COL23A1: variants seen among roughly 807,000 people sequenced by gnomAD.
COL23A1 encodes the protein collagen type XXIII alpha 1 chain, also known as collagen alpha-1(XXIII) chain.
Under a neutral mutation model 99.3 loss-of-function variants are expected in COL23A1, and 97 were observed. The ratio of observed to expected loss-of-function variants is 0.98; its 90% confidence interval spans 0.83 to 1.16. The LOEUF (loss-of-function observed/expected upper bound fraction) is 1.16. Among genes scored for constraint, COL23A1 ranks in the 50% most tolerant of loss-of-function variants. The pLI, the probability that COL23A1 is intolerant of heterozygous loss-of-function variation, is 0.00. For missense variants in COL23A1, 762 were observed against 757.4 expected, an observed-to-expected ratio of 1.01 and a Z score of -0.07; for synonymous variants, 320 against 308.2, an observed-to-expected ratio of 1.04 and a Z score of -0.40.
In COL23A1 at chr5:178,558,794, C is replaced by CT. The variant is rs113249914; in HGVS notation, c.361+1887dup. Among the ~76,000 whole-genome samples, 151 of 144,668 alleles carry CT rather than the reference C, an allele frequency of 1.0e-3. 1 individual carries two copies. The highest frequency in any genetic ancestry group is 1.8e-3 in the South Asian group (8 of 4,552). The allele number at this position is 144,668 out of a possible 152,430, so 94.9% of individuals were successfully genotyped here. A position where few individuals can be genotyped will look rare whatever the true frequency, so the allele number is the denominator to read the frequency against. ...CCTCCCATGTAATTGCAATTTCTGA[C>CT]TTTTTTTTTTTTTTGATGGAGTCTC... On this transcript the variant is annotated intron_variant, in intron 2 of 28. Transcript: ENST00000390654.
At chr5:178,373,371 C>T (rs750342423) in intron 2 of COL23A1, among the ~76,000 whole-genome samples, 23 of 152,176 alleles carry the variant, frequency 1.5e-4, no homozygotes, top group Non-Finnish European at 2.8e-4. Flanking sequence ...CAGTGCAGCC[C>T]AGGCGCGAAC....
intron 2 of COL23A1, among the ~76,000 whole-genome samples, chr5:178,514,669 C>T (rs1046948313): frequency 3.9e-5 from 6 of 152,132 alleles, no homozygotes; most frequent in African/African-American, 7.2e-5. Context: ...CCTGCTGCCC[C>T]GACAATGCAC....
Position 178,255,160 on chromosome 5 carries a change from C to T in COL23A1, c.883-134G>A, listed in dbSNP as rs902547083. 47 of 728,198 alleles carry T rather than the reference C, an allele frequency of 6.5e-5. No individual in the cohort carries two copies. In the Admixed American group the frequency reaches 9.7e-4, roughly 15 times the overall value. 45.1% of individuals were successfully genotyped at this position (728,198 alleles called of 1,614,324 possible). On this transcript the variant is annotated intron_variant, in intron 15 of 28. Coordinates refer to ENST00000390654, the MANE Select transcript of COL23A1 (RefSeq NM_173465.4). The surrounding 1 kb of genome is among the most constrained non-coding windows in gnomAD (Gnocchi z 4.2). ...CGTCACCCAGGCTGCACGCATGCCC[C>T]TCCCCAGGGTGGATGGAGGGAACGG...
chr5:178,246,493 TAGAC>T (rs1447164789), intron 22 of COL23A1, 40 bp from the exon 23 acceptor site: 1 of 1,545,740 alleles, frequency 6.5e-7, no homozygotes, highest in Admixed American at 2.0e-5. Context: ...GGGAAGGGGT[TAGAC>T]AGACAGTAGG....
At chr5:178,385,144 G>C (rs1020611092) in intron 2 of COL23A1, among the ~76,000 whole-genome samples, 2 of 152,168 alleles carry the variant, frequency 1.3e-5, no homozygotes, top group African/African-American at 2.4e-5. Flanking sequence ...TGTGGGACTT[G>C]CTGTCTCCTG....
intron 2 of COL23A1, among the ~76,000 whole-genome samples, chr5:178,501,342 G>A (rs1002945578): frequency 1.3e-5 from 2 of 152,168 alleles, no homozygotes; most frequent in Admixed American, 6.5e-5. Context: ...CAGCACTTTG[G>A]GAGGCCTGGG....
At chr5:178,264,784 G>A (rs1755780710) in intron 8 of COL23A1, among the ~76,000 whole-genome samples, 1 of 152,176 alleles carries the variant, frequency 6.6e-6, no homozygotes, top group Non-Finnish European at 1.5e-5. Context: ...AGCCTCCCGA[G>A]TAGGTGGGAT....
At chr5:178,527,702 T>G (rs1388673605) in intron 2 of COL23A1, among the ~76,000 whole-genome samples, 1 of 152,078 alleles carries the variant, frequency 6.6e-6, no homozygotes, top group Non-Finnish European at 1.5e-5. Context: ...CTGTGTGTGC[T>G]CCCGGGGACC....
intron 2 of COL23A1, among the ~76,000 whole-genome samples, chr5:178,380,753 G>A (rs1246426793): frequency 2.0e-5 from 3 of 152,280 alleles, no homozygotes; most frequent in African/African-American, 4.8e-5. Context: ...GGGACCAGCC[G>A]CAGTGAGAGG....
intron 2 of COL23A1, among the ~76,000 whole-genome samples, chr5:178,383,265 T>C (rs1763480422): frequency 1.3e-5 from 2 of 152,196 alleles, no homozygotes; most frequent in African/African-American, 4.8e-5. Flanking sequence ...CTAGGCCACA[T>C]GCTCAGCTCC....
chr5:178,262,821 A>C (rs1765707803), intron 9 of COL23A1, among the ~76,000 whole-genome samples: 1 of 151,994 alleles, frequency 6.6e-6, no homozygotes, highest in African/African-American at 2.4e-5. Context: ...TTGAAGTTAG[A>C]GTTGGGTTGG....
chr5:178,358,479 GTA>G (rs535866305), intron 2 of COL23A1, among the ~76,000 whole-genome samples: 149 of 142,986 alleles, frequency 1.0e-3, no homozygotes, highest in Middle Eastern at 4.6e-3. Flanking sequence ...GTGCGTATGC[GTA>G]TATATGTGTG....
At chr5:178,265,311 C>T (rs1755818439) in intron 8 of COL23A1, among the ~76,000 whole-genome samples, 1 of 152,234 alleles carries the variant, frequency 6.6e-6, no homozygotes, top group Non-Finnish European at 1.5e-5. Context: ...AGAAAACTGA[C>T]AGTTTGGTTA....
In COL23A1 at chr5:178,466,791, GC is replaced by G. The variant is rs1377062742; in HGVS notation, c.361+93890del. Reference sequence around the variant, plus strand: ...GGGAAGGACTGTTGGAGCAGCTCTGGCCGTGCCAGGCTGGCCAGGTGGAAGG... The same window carrying G: ...GGGAAGGACTGTTGGAGCAGCTCTGGCGTGCCAGGCTGGCCAGGTGGAAGG... On this transcript the variant is annotated intron_variant, in intron 2 of 28. Coordinates refer to ENST00000390654, the MANE Select transcript of COL23A1 (RefSeq NM_173465.4). Among the ~76,000 whole-genome samples the G allele has an allele frequency of 1.3e-5, 2 of 152,234 alleles. 1 individual carries two copies. The highest frequency in any genetic ancestry group is 4.8e-5 in the African/African-American group (2 of 41,472).
chr5:178,269,397 A>C (rs1429921082), intron 6 of COL23A1, among the ~76,000 whole-genome samples: 1 of 69,012 alleles, frequency 1.4e-5, no homozygotes, highest in Non-Finnish European at 3.3e-5. Context: ...CCACCCACCC[A>C]TCCATCCAAC....
chr5:178,362,327 G>T (rs1013467586), intron 2 of COL23A1, among the ~76,000 whole-genome samples: 13 of 152,140 alleles, frequency 8.5e-5, no homozygotes, highest in African/African-American at 3.1e-4. Flanking sequence ...GGTTGGTGGG[G>T]GCATGTCCCA....
At chr5:178,328,502 A>G (rs1204623680) in intron 2 of COL23A1, among the ~76,000 whole-genome samples, 1 of 152,188 alleles carries the variant, frequency 6.6e-6, no homozygotes, top group African/African-American at 2.4e-5. Context: ...GGGTAACTCA[A>G]CGGCTCTGGG....
At position 178,560,839 on chromosome 5, in the gene COL23A1, TG is replaced by T. The variant is rs1762525490; in HGVS notation, c.295-92del. 1.1e-5 allele frequency: 14 copies of T among 1,289,726 alleles called. 1 individual carries two copies. The South Asian group carries it at 1.8e-4, about 17-fold the overall frequency. The allele number at this position is 1,289,726 out of a possible 1,614,324, so 79.9% of individuals were successfully genotyped here. ...AAGTGGAAACATCAGCAAAAACAAA[TG>T]TATCTAAACCATCTACAGTGCTGGG... On this transcript the variant is annotated intron_variant, in intron 1 of 28. Coordinates refer to ENST00000390654, the MANE Select transcript of COL23A1 (RefSeq NM_173465.4).
chr5:178,322,147 C>T (rs1286893509), intron 2 of COL23A1, among the ~76,000 whole-genome samples: 1 of 152,116 alleles, frequency 6.6e-6, no homozygotes, highest in East Asian at 1.9e-4. Context: ...CACCCGCCAG[C>T]ACGCCCAGTT....
Sources: allele counts gnomAD v4.1 joint callset (sites outside exome capture counted in the v4.1 genomes callset), GRCh38; gene constraint gnomAD v4.1.1; non-coding constraint Gnocchi (gnomAD v3.1); transcripts MANE v1.5; gene names NCBI Gene and HGNC (gene_info 2026-07-23, HGNC 2026-07-21).